Variants in PSD3 observed in about 807,000 individuals in gnomAD.
PSD3 encodes the protein pleckstrin and Sec7 domain containing 3.
Under a neutral mutation model 105.5 loss-of-function variants are expected in PSD3, and 49 were observed. The observed-to-expected ratio is 0.46, with a 90% CI of 0.37 to 0.59. PSD3 has a LOEUF of 0.59. Among genes scored for constraint, PSD3 ranks in the 20% least tolerant of loss-of-function variants. PSD3 has a pLI of 0.00. For synonymous variants in PSD3, 557 were observed against 457.8 expected, an observed-to-expected ratio of 1.22 and a Z score of -2.77; for missense variants, 1,561 against 1,263.8, an observed-to-expected ratio of 1.24 and a Z score of -3.57.
At chr8:18,935,935 C>G (rs950079617) in intron 2 of PSD3, 99 bp downstream of exon 2, 1 of 691,498 alleles carries the variant, frequency 1.4e-6, no homozygotes, top group Non-Finnish European at 2.4e-6. Flanking sequence ...GCAGGTTTCA[C>G]AGAGGGAAGA....
intron 9 of PSD3, among the ~76,000 whole-genome samples, chr8:18,663,452 A>C (rs1273859497): frequency 6.6e-6 from 1 of 152,142 alleles, no homozygotes; most frequent in Non-Finnish European, 1.5e-5. Context: ...AAAAAAAAAA[A>C]ACCGAATAAA....
chr8:18,736,203 C>T (rs192483930), intron 9 of PSD3, among the ~76,000 whole-genome samples: 3 of 152,206 alleles, frequency 2.0e-5, no homozygotes, highest in East Asian at 1.9e-4. Context: ...GAATAAGATG[C>T]CCTATATTAT....
At chr8:19,064,920 G>C (rs761594505) in intron 1 of PSD3, among the ~76,000 whole-genome samples, 36 of 152,258 alleles carry the variant, frequency 2.4e-4, no homozygotes, top group Middle Eastern at 6.8e-3. Flanking sequence ...CATTGTTTTG[G>C]ACTGAGCTCC....
chr8:18,687,190 G>A (rs996984300), intron 9 of PSD3, among the ~76,000 whole-genome samples: 2 of 152,172 alleles, frequency 1.3e-5, no homozygotes, highest in African/African-American at 4.8e-5. Context: ...CAGGATGGGT[G>A]CAGTGGCTCA....
chr8:18,687,594 G>T (rs988398560), intron 9 of PSD3, among the ~76,000 whole-genome samples: 6 of 151,018 alleles, frequency 4.0e-5, no homozygotes, highest in Admixed American at 1.3e-4. Flanking sequence ...CCATTTTCCT[G>T]TTCAGTCCCT....
chr8:18,828,068 T>TATATATATATATATATA (rs1554515387), intron 4 of PSD3, among the ~76,000 whole-genome samples: 3 of 83,304 alleles, frequency 3.6e-5, no homozygotes, highest in African/African-American at 1.7e-4. Flanking sequence ...TATATATATA[T>TATATATATATATATATA]TTTTTTTTTT....
chr8:18,784,483 G>A (rs1808934145), intron 8 of PSD3, among the ~76,000 whole-genome samples: 2 of 152,092 alleles, frequency 1.3e-5, no homozygotes, highest in South Asian at 2.1e-4. Flanking sequence ...CTGATTTCAT[G>A]AGCTCATACA....
At position 18,530,269 on chromosome 8, in the gene PSD3, G is replaced by A. The variant is rs941444432; in HGVS notation, c.*5474C>T. 3 of 152,514 alleles carry A rather than the reference G, an allele frequency of 2.0e-5. No individual in the cohort carries two copies. Among genetic ancestry groups the A allele is most frequent in the Non-Finnish European group, 2.9e-5 (2 of 68,028 alleles). 9.4% of individuals were successfully genotyped at this position (152,514 alleles called of 1,614,324 possible). On this transcript the variant is annotated 3_prime_UTR_variant, in exon 16 of 16. Coordinates refer to ENST00000327040, the MANE Select transcript of PSD3 (RefSeq NM_015310.4). ...AACTAAGGCCAGTGGCTCTTCTTTG[G>A]GGAGAGGCAGGAAAAAGAGACCTAA...
chr8:18,896,947 A>G (rs1310472608), intron 2 of PSD3, among the ~76,000 whole-genome samples: 1 of 151,960 alleles, frequency 6.6e-6, no homozygotes, highest in East Asian at 1.9e-4. Flanking sequence ...AGTAGCTGGG[A>G]TTACAGGCAT....
Position 18,672,978 on chromosome 8 carries a change from A to C in PSD3, c.2173-17293T>G, listed in dbSNP as rs543425790. 2.6e-5 allele frequency among the ~76,000 whole-genome samples: 4 copies of C among 152,350 alleles called. No homozygotes were observed. In the East Asian group the frequency reaches 7.7e-4, roughly 29 times the overall value. On this transcript the variant is annotated intron_variant, in intron 9 of 15. Coordinates refer to ENST00000327040, the MANE Select transcript of PSD3 (RefSeq NM_015310.4). ...CTACATTCCTTCTGATTCATTAAAAAAAATTTCTCAAGGCAATATATGTAT... is the reference window on the plus strand; with the variant it reads ...CTACATTCCTTCTGATTCATTAAAACAAATTTCTCAAGGCAATATATGTAT...
chr8:18,831,346 A>C (rs1221123685), intron 4 of PSD3, among the ~76,000 whole-genome samples: 2 of 152,216 alleles, frequency 1.3e-5, no homozygotes, highest in African/African-American at 4.8e-5. Flanking sequence ...GCTTAATTTT[A>C]TTAGTCATAT....
chr8:18,632,691 G>C lies in PSD3; in HGVS notation c.2332C>G (p.Pro778Ala). 1.2e-6 allele frequency: 2 copies of C among 1,612,720 alleles called. No individual in the cohort carries two copies. Among genetic ancestry groups the C allele is most frequent in the South Asian group, 1.1e-5 (1 of 91,004 alleles). The stretch of plus-strand genomic sequence containing the variant: ...TACACAGCAGCATTTGGATCATGAG[G>C]AATGTCCAAAAATGGGTTAGTAGTA... The part of the protein sequence containing the change: ...GSTTNPFLDI[P>A]HDPNAAVYKS... Residue 778 changes from proline (P) to alanine (A), a missense_variant, in exon 11 of 16, where the codon CCT (proline) becomes GCT (alanine). Coordinates refer to ENST00000327040, the MANE Select transcript of PSD3 (RefSeq NM_015310.4).
chr8:18,788,377 C>T (rs1486833498), intron 8 of PSD3, among the ~76,000 whole-genome samples: 1 of 152,182 alleles, frequency 6.6e-6, no homozygotes, highest in African/African-American at 2.4e-5. Context: ...GCTTCGGCAC[C>T]AAACTCAGCA....
chr8:18,888,170 T>C (rs1295557975), intron 2 of PSD3, among the ~76,000 whole-genome samples: 2 of 152,096 alleles, frequency 1.3e-5, no homozygotes, highest in Admixed American at 1.3e-4. Flanking sequence ...GCCAAAAATA[T>C]CCACCTCTCA....
intron 12 of PSD3, among the ~76,000 whole-genome samples, chr8:18,578,608 A>G (rs1293376553): frequency 6.6e-6 from 1 of 152,114 alleles, no homozygotes; most frequent in Non-Finnish European, 1.5e-5. Context: ...GGTAGCTATT[A>G]CTATTGAATG....
At chr8:18,631,710 A>C (rs1338931435) in intron 11 of PSD3, among the ~76,000 whole-genome samples, 1 of 151,858 alleles carries the variant, frequency 6.6e-6, no homozygotes, top group African/African-American at 2.4e-5. Flanking sequence ...TGGTGGATGC[A>C]CTCTTAAAGA....
chr8:19,033,810 G>T (rs541544752), intron 1 of PSD3, among the ~76,000 whole-genome samples: 2 of 152,036 alleles, frequency 1.3e-5, no homozygotes, highest in Admixed American at 6.6e-5. Context: ...GGATTTTAGT[G>T]GTTTCTGTAC....
rs1803882910 is a variant in PSD3 at position 18,594,258 on chromosome 8, ATAT to A, written c.2481+6103_2481+6105del. On this transcript the variant is annotated intron_variant, in intron 12 of 15. Coordinates refer to ENST00000327040, the MANE Select transcript of PSD3 (RefSeq NM_015310.4). ...TATATATTATTATATATATTATATAATATATATTATTATATATATTATATAATA... is the reference window on the plus strand; with the variant it reads ...TATATATTATTATATATATTATATAAATATTATTATATATATTATATAATA... 5.4e-5 allele frequency among the ~76,000 whole-genome samples: 2 copies of A among 37,084 alleles called. 1 individual carries two copies. Among genetic ancestry groups the A allele is most frequent in the South Asian group, 1.4e-3 (2 of 1,386 alleles). The allele number at this position is 37,084 out of a possible 152,430, so 24.3% of individuals were successfully genotyped here. A position where few individuals can be genotyped will look rare whatever the true frequency, so the allele number is the denominator to read the frequency against.
intron 2 of PSD3, among the ~76,000 whole-genome samples, chr8:18,908,523 T>C (rs1285547931): frequency 6.6e-6 from 1 of 152,186 alleles, no homozygotes; most frequent in African/African-American, 2.4e-5. Context: ...CCTTTCACCC[T>C]GCACTGCTTC....
Sources: allele counts gnomAD v4.1 joint callset (sites outside exome capture counted in the v4.1 genomes callset), GRCh38; gene constraint gnomAD v4.1.1; transcripts MANE v1.5; gene names NCBI Gene and HGNC (gene_info 2026-07-23, HGNC 2026-07-21).